CHD7: variants seen among roughly 807,000 people sequenced by gnomAD.
CHD7 encodes the protein chromodomain helicase DNA binding protein 7.
Under a neutral mutation model 307.3 loss-of-function variants are expected in CHD7, and 24 were observed. The ratio of observed to expected loss-of-function variants is 0.08; its 90% CI spans 0.06 to 0.11. The LOEUF is 0.11. Among genes scored for constraint, CHD7 ranks in the 10% least tolerant of loss-of-function variants. The pLI is 1.00. For missense variants in CHD7, 3,106 were observed against 3,727.1 expected (o/e 0.83, Z 4.34); for synonymous variants, 1,363 against 1,349.9 (o/e 1.01, Z -0.21).
chr8:60,716,680 TTTTG>T (rs1807619213), intron 1 of CHD7, among the ~76,000 whole-genome samples: 1 of 152,246 alleles, frequency 6.6e-6, no homozygotes, highest in South Asian at 2.1e-4. Flanking sequence ...TACTTATTTA[TTTTG>T]TTTGACTCTC....
At chr8:60,717,084 C>T (rs1329998250) in intron 1 of CHD7, among the ~76,000 whole-genome samples, 2 of 150,168 alleles carry the variant, frequency 1.3e-5, no homozygotes, top group African/African-American at 4.9e-5. Flanking sequence ...GTATGTCTTC[C>T]CTCAGGTCAT....
At chr8:60,791,293 C>G (rs899137584) in intron 3 of CHD7, among the ~76,000 whole-genome samples, 4 of 152,160 alleles carry the variant, frequency 2.6e-5, no homozygotes, top group African/African-American at 4.8e-5. Flanking sequence ...TACAGGTGTT[C>G]CCTGCACATG....
intron 1 of CHD7, among the ~76,000 whole-genome samples, chr8:60,690,492 A>T (rs1806140680): frequency 6.6e-6 from 1 of 152,192 alleles, no homozygotes; most frequent in South Asian, 2.1e-4. Flanking sequence ...TAAAAAAAAT[A>T]AACATCTGGG....
chr8:60,821,593 T>C (rs1804035396), intron 9 of CHD7, among the ~76,000 whole-genome samples, 197 bp from the exon 10 acceptor site: 1 of 151,118 alleles, frequency 6.6e-6, no homozygotes. Flanking sequence ...TAAGCATATA[T>C]ACACACATAC....
chr8:60,759,364 T>C (rs1468896535), intron 2 of CHD7, among the ~76,000 whole-genome samples: 2 of 152,046 alleles, frequency 1.3e-5, no homozygotes, highest in East Asian at 3.9e-4. Flanking sequence ...TGATGCTGTT[T>C]GCTTCTCTCC....
chr8:60,857,568 T>C (rs1345871198), intron 34 of CHD7, among the ~76,000 whole-genome samples: 1 of 152,172 alleles, frequency 6.6e-6, no homozygotes, highest in African/African-American at 2.4e-5. Context: ...TAAAAAATGG[T>C]TTAGCACTAT....
chr8:60,836,034 C>T (rs1197833521), intron 15 of CHD7, 39 bp from the exon 16 acceptor site: 4 of 1,480,700 alleles, frequency 2.7e-6, no homozygotes, highest in South Asian at 1.2e-5. Flanking sequence ...TAATAAAAAC[C>T]TTTTACAGTA....
At chr8:60,752,949 C>A (rs1809707388) in intron 2 of CHD7, among the ~76,000 whole-genome samples, 1 of 152,154 alleles carries the variant, frequency 6.6e-6, no homozygotes, top group Non-Finnish European at 1.5e-5. Context: ...TAGATAATAT[C>A]TAAGTAACCA....
At chr8:60,781,936 A>G (rs1202457824) in intron 3 of CHD7, among the ~76,000 whole-genome samples, 9 of 152,224 alleles carry the variant, frequency 5.9e-5, no homozygotes. Flanking sequence ...GAGAAATCAA[A>G]TAGTACTTGT....
At chr8:60,721,310 C>T (rs762478728) in intron 1 of CHD7, among the ~76,000 whole-genome samples, 6 of 152,174 alleles carry the variant, frequency 3.9e-5, no homozygotes, top group Non-Finnish European at 7.3e-5. Flanking sequence ...AGAGCTGGCT[C>T]TCCCAGTTGA....
At chr8:60,798,131 C>T (rs1199537498) in intron 4 of CHD7, among the ~76,000 whole-genome samples, 3 of 152,228 alleles carry the variant, frequency 2.0e-5, no homozygotes, top group Non-Finnish European at 2.9e-5. Flanking sequence ...GAGCACTTAG[C>T]TCTAGGACTT....
intron 1 of CHD7, among the ~76,000 whole-genome samples, chr8:60,725,322 T>C (rs949119206): frequency 1.3e-5 from 2 of 152,238 alleles, no homozygotes; most frequent in African/African-American, 4.8e-5. Flanking sequence ...ATGAAATTTC[T>C]TGTGGTTTCT....
At chr8:60,683,695 A>G in intron 1 of CHD7, among the ~76,000 whole-genome samples, 1 of 152,224 alleles carries the variant, frequency 6.6e-6, no homozygotes, top group East Asian at 1.9e-4. Flanking sequence ...CCACTGTTGC[A>G]GAGCTTATCT....
chr8:60,834,396 A>C (rs141579918), intron 15 of CHD7, among the ~76,000 whole-genome samples: 96 of 152,376 alleles, frequency 6.3e-4, no homozygotes, highest in African/African-American at 2.2e-3. Flanking sequence ...ATTGTACAAC[A>C]AGAATACACT....
At position 60,749,300 on chromosome 8, in the gene CHD7, G is replaced by GGC. The variant is rs1281167916; in HGVS notation, c.1665+6205_1665+6206dup. ...GCAGGAGAATCGCTTGAACCCGTGA[G>GGC]GCGGAGGTTGTGGTGAGCCAAGATC... is the stretch of plus-strand genomic sequence containing the variant. On this transcript the variant is annotated intron_variant, in intron 2 of 37. Transcript: ENST00000423902. Among the ~76,000 whole-genome samples, 9 of 150,334 alleles carry GGC rather than the reference G, an allele frequency of 6.0e-5. No individual in the cohort carries two copies. In the East Asian group the frequency reaches 1.8e-3, roughly 30 times the overall value.
At chr8:60,850,152 G>C (rs1805388235) in intron 25 of CHD7, among the ~76,000 whole-genome samples, 1 of 152,102 alleles carries the variant, frequency 6.6e-6, no homozygotes, top group Admixed American at 6.5e-5. Context: ...AGGTCATAAA[G>C]GAACATTGCG....
At chr8:60,725,680 G>T (rs11986933) in intron 1 of CHD7, among the ~76,000 whole-genome samples, 128 of 152,314 alleles carry the variant, frequency 8.4e-4, no homozygotes, top group African/African-American at 3.0e-3. Flanking sequence ...TTGATGGAAG[G>T]GTTACAGTTG....
chr8:60,749,320 A>G (rs1380288584), intron 2 of CHD7, among the ~76,000 whole-genome samples: 2 of 145,418 alleles, frequency 1.4e-5, no homozygotes, highest in Non-Finnish European at 3.0e-5. Flanking sequence ...GTGGTGAGCC[A>G]AGATCATGCC....
intron 1 of CHD7, among the ~76,000 whole-genome samples, chr8:60,721,522 C>A (rs1357262605): frequency 6.6e-6 from 1 of 152,198 alleles, no homozygotes; most frequent in African/African-American, 2.4e-5. Context: ...TGTTGGAGAA[C>A]CACAGTCCTG....
Sources: gnomAD v4.1 joint callset for allele counts (sites outside exome capture counted in the v4.1 genomes callset) on GRCh38, gnomAD v4.1.1 for gene constraint, MANE v1.5 for transcripts, NCBI Gene and HGNC (gene_info 2026-07-23, HGNC 2026-07-21) for gene names.